AKT3: variants seen among roughly 807,000 people sequenced by gnomAD.
AKT3 encodes the protein RAC-gamma serine/threonine-protein kinase.
In AKT3, 15 loss-of-function variants were observed where a neutral mutation model predicts 65.3. The ratio of observed to expected loss-of-function variants is 0.23; its 90% CI spans 0.15 to 0.35. AKT3 has a LOEUF of 0.35. AKT3 is among the 10% of genes least tolerant of loss of function. AKT3 has a pLI of 1.00. For missense variants in AKT3, 243 were observed against 576.5 expected (o/e 0.42, Z 5.92); for synonymous variants, 206 against 183.8 (o/e 1.12, Z -0.98).
chr1:243,715,112 G>A (rs1175056451), intron 2 of AKT3, among the ~76,000 whole-genome samples: 2 of 152,030 alleles, frequency 1.3e-5, no homozygotes, highest in Non-Finnish European at 2.9e-5. Context: ...GTTAGTTCAA[G>A]ACAGAACTAA....
chr1:243,654,151 T>C (rs981379833), intron 4 of AKT3, among the ~76,000 whole-genome samples: 22 of 152,260 alleles, frequency 1.4e-4, no homozygotes, highest in Non-Finnish European at 5.9e-5. Context: ...TTTTTAGTAA[T>C]TGTAACTTAA....
At chr1:243,601,977 T>C (rs907421451) in intron 8 of AKT3, among the ~76,000 whole-genome samples, 13 of 152,192 alleles carry the variant, frequency 8.5e-5, no homozygotes, top group African/African-American at 3.1e-4. Flanking sequence ...TGTAAGAAGT[T>C]TGACTACCTT....
At chr1:243,775,338 G>C (rs920097913) in intron 2 of AKT3, among the ~76,000 whole-genome samples, 1 of 151,978 alleles carries the variant, frequency 6.6e-6, no homozygotes, top group African/African-American at 2.4e-5. Context: ...CTGCCACCAC[G>C]CCCAGCTAAT....
In AKT3 at chr1:243,583,195, T is replaced by TAC. The variant is rs59711065; in HGVS notation, c.697-10149_697-10148dup. 6.4e-3 allele frequency among the ~76,000 whole-genome samples: 565 copies of TAC among 88,190 alleles called. 7 individuals carry two copies. Among genetic ancestry groups the TAC allele is most frequent in the African/African-American group, 0.023 (444 of 19,516 alleles). 57.9% of individuals were successfully genotyped at this position (88,190 alleles called of 152,430 possible). A position where few individuals can be genotyped will look rare whatever the true frequency, so the allele number is the denominator to read the frequency against. Reference sequence around the variant, plus strand: ...GTATATATATATATATATATATATATACACACACACACACACACATATATC... The same window carrying TAC: ...GTATATATATATATATATATATATATACACACACACACACACACACATATATC... On this transcript the variant is annotated intron_variant, in intron 8 of 13. Transcript: ENST00000673466.
At chr1:243,838,607 C>G (rs1695044096) in intron 2 of AKT3, among the ~76,000 whole-genome samples, 1 of 152,074 alleles carries the variant, frequency 6.6e-6, no homozygotes, top group Non-Finnish European at 1.5e-5. Context: ...GACTAGATAA[C>G]AAGAATCACA....
chr1:243,718,674 C>T (rs898133959), intron 2 of AKT3, among the ~76,000 whole-genome samples: 9 of 151,742 alleles, frequency 5.9e-5, no homozygotes, highest in African/African-American at 1.7e-4. Context: ...GGGGTTTCAC[C>T]GTGTTAGCCA....
intron 8 of AKT3, among the ~76,000 whole-genome samples, chr1:243,597,024 G>A (rs1676662278): frequency 6.6e-6 from 1 of 152,150 alleles, no homozygotes; most frequent in Admixed American, 6.5e-5. Context: ...GCAGACCAAT[G>A]GCTACCTAGG....
chr1:243,633,751 T>G (rs1679776171), intron 6 of AKT3, among the ~76,000 whole-genome samples: 1 of 151,606 alleles, frequency 6.6e-6, no homozygotes, highest in Non-Finnish European at 1.5e-5. Context: ...ATATAGAAAA[T>G]AAATAGCAAA....
chr1:243,641,290 G>GCA (rs1194715682), intron 5 of AKT3, among the ~76,000 whole-genome samples: 88 of 132,720 alleles, frequency 6.6e-4, no homozygotes, highest in Middle Eastern at 7.6e-3. Flanking sequence ...ACACACACAC[G>GCA]CACACACACA....
At chr1:243,494,046 C>T (rs1441101732) in intron 13 of AKT3, among the ~76,000 whole-genome samples, 2 of 152,118 alleles carry the variant, frequency 1.3e-5, no homozygotes, top group Admixed American at 1.3e-4. Flanking sequence ...GGGGGCCTCG[C>T]CCAGCTGACT....
chr1:243,775,687 C>G (rs1690503604), intron 2 of AKT3, among the ~76,000 whole-genome samples: 1 of 152,054 alleles, frequency 6.6e-6, no homozygotes, highest in African/African-American at 2.4e-5. Context: ...AAGAAAAAGT[C>G]TAAATCCAAA....
chr1:243,488,904 G>A lies in AKT3; in HGVS notation c.*7-454C>T, dbSNP rs1005433866. The stretch of plus-strand genomic sequence containing the variant: ...CTGGCACCTCAGGGTCACCCTAGGC[G>A]TCCTGCTCATGGTTCCCTATCAGGG... On this transcript the variant is annotated intron_variant, in intron 13 of 13. Transcript: ENST00000336199. The A allele has an allele frequency of 5.2e-6, 8 of 1,525,032 alleles. No individual in the cohort carries two copies. In the Middle Eastern group the frequency reaches 1.1e-3, roughly 206 times the overall value. 94.5% of individuals were successfully genotyped at this position (1,525,032 alleles called of 1,614,324 possible). A position where few individuals can be genotyped will look rare whatever the true frequency, so the allele number is the denominator to read the frequency against.
intron 6 of AKT3, among the ~76,000 whole-genome samples, chr1:243,636,546 T>G (rs955931409): frequency 6.6e-6 from 1 of 152,074 alleles, no homozygotes; most frequent in Non-Finnish European, 1.5e-5. Flanking sequence ...GGTTTTATTA[T>G]ACCAATTTAA....
intron 8 of AKT3, among the ~76,000 whole-genome samples, chr1:243,574,642 T>C (rs1467554166): frequency 6.6e-6 from 1 of 152,112 alleles, no homozygotes; most frequent in African/African-American, 2.4e-5. Flanking sequence ...AGGGATATTT[T>C]AAAAAATTCA....
At chr1:243,532,266 C>T (rs1028261510) in intron 12 of AKT3, among the ~76,000 whole-genome samples, 5 of 152,104 alleles carry the variant, frequency 3.3e-5, no homozygotes, top group Admixed American at 1.3e-4. Context: ...TAGAAATGAT[C>T]CCTTAAAGGA....
chr1:243,837,965 C>T (rs1269073325), intron 2 of AKT3, among the ~76,000 whole-genome samples: 1 of 152,160 alleles, frequency 6.6e-6, no homozygotes, highest in Non-Finnish European at 1.5e-5. Flanking sequence ...TCGCAGATAA[C>T]TTGACCATCT....
At position 243,501,916 on chromosome 1, in the gene AKT3, A is replaced by C; in HGVS notation, c.*3333T>G. ...ATCCTTGTGGGTCATATACTTCAGG[A>C]AATAGACAGGTTTAGTATGACCAAC... is the stretch of plus-strand genomic sequence containing the variant. On this transcript the variant is annotated 3_prime_UTR_variant, in exon 14 of 14. Coordinates refer to ENST00000673466, the MANE Select transcript of AKT3 (RefSeq NM_005465.7). 4.3e-6 allele frequency: 1 copy of C among 232,748 alleles called. No individual in the cohort carries two copies. The highest frequency in any genetic ancestry group is 8.5e-6 in the Non-Finnish European group (1 of 117,792). The allele number at this position is 232,748 out of a possible 1,614,324, so 14.4% of individuals were successfully genotyped here.
At chr1:243,787,151 T>C (rs1393355216) in intron 2 of AKT3, among the ~76,000 whole-genome samples, 2 of 152,158 alleles carry the variant, frequency 1.3e-5, no homozygotes, top group African/African-American at 4.8e-5. Context: ...TGTAGCTAAA[T>C]CATAAAGGCA....
At chr1:243,594,668 G>A (rs1373409501) in intron 8 of AKT3, among the ~76,000 whole-genome samples, 1 of 152,134 alleles carries the variant, frequency 6.6e-6, no homozygotes, top group East Asian at 1.9e-4. Context: ...TATGAACATG[G>A]ATCACTGCAG....
Sources: allele counts gnomAD v4.1 joint callset (sites outside exome capture counted in the v4.1 genomes callset), GRCh38; gene constraint gnomAD v4.1.1; transcripts MANE v1.5; gene names NCBI Gene and HGNC (gene_info 2026-07-23, HGNC 2026-07-21).